ABCB4: variants seen among roughly 807,000 people sequenced by gnomAD.
The protein encoded by ABCB4 is ATP binding cassette subfamily B member 4, also known as phosphatidylcholine translocator ABCB4.
Under a neutral mutation model 145.7 loss-of-function variants are expected in ABCB4, and 76 were observed. That is an observed-to-expected ratio of 0.52 (90% CI 0.43 to 0.63). ABCB4 has a LOEUF of 0.63. ABCB4 is among the 30% of genes least tolerant of loss of function. The probability of loss-of-function intolerance (pLI) is 0.00; values close to 1 mark genes in which losing one functional copy is unlikely to be tolerated. For missense variants in ABCB4, 1,234 were observed against 1,553.1 expected (o/e 0.79, Z 3.45); for synonymous variants, 517 against 566.8 (o/e 0.91, Z 1.25).
rs1243446017 is a variant in ABCB4, at chr7:87,447,095, G to C, written c.944C>G (p.Ala315Gly). ...FLLIYASYALAFWYGSTLVIS... is the reference protein window; with the variant it reads ...FLLIYASYALGFWYGSTLVIS... ...GACTAGAGTGGATCCATACCAGAAGGCCAGTGCATATGATGCATATATTAA... is the reference window on the plus strand; with the variant it reads ...GACTAGAGTGGATCCATACCAGAAGCCCAGTGCATATGATGCATATATTAA... The change falls in exon 9 of 28, where the codon GCC (alanine) becomes GGC (glycine). Residue 315 changes from alanine to glycine, a missense_variant. This residue lies in a region of ABCB4 where 467 missense variants were observed against 632.8 expected (regional missense o/e 0.74). Transcript: ENST00000649586. 1.9e-6 allele frequency: 3 copies of C among 1,613,722 alleles called. No homozygotes were observed. The highest frequency in any genetic ancestry group is 2.5e-6 in the Non-Finnish European group (3 of 1,179,822).
At chr7:87,430,458 T>G (rs1810136814) in intron 15 of ABCB4, among the ~76,000 whole-genome samples, 1 of 152,200 alleles carries the variant, frequency 6.6e-6, no homozygotes, top group South Asian at 2.1e-4. Context: ...TAACATGTCT[T>G]AATAATATGA....
chr7:87,389,401 A>T, the ABCB4 span, among the ~76,000 whole-genome samples: 2 of 152,230 alleles, frequency 1.3e-5, no homozygotes, highest in Non-Finnish European at 2.9e-5. Context: ...AGACTAGATA[A>T]AGAAAATGTG....
chr7:87,381,808 C>A, the ABCB4 span: 1 of 734,212 alleles, frequency 1.4e-6, no homozygotes. Flanking sequence ...AGACTCTATG[C>A]TTTATTATCT....
Position 87,401,971 on chromosome 7 carries a change from A to T in ABCB4, c.*125T>A. The T allele has an allele frequency of 7.4e-7, 1 of 1,352,684 alleles. No homozygotes were observed. The highest frequency in any genetic ancestry group is 1.0e-6 in the Non-Finnish European group (1 of 970,806). 83.8% of individuals were successfully genotyped at this position (1,352,684 alleles called of 1,614,324 possible). On this transcript the variant is annotated 3_prime_UTR_variant, in exon 28 of 28. Coordinates refer to ENST00000649586, the MANE Select transcript of ABCB4 (RefSeq NM_000443.4). ...TAATAAACCCCAAATTGGGTCTTCTAAATTGATCTAGAATGAGACAGACAT... is the reference window on the plus strand; with the variant it reads ...TAATAAACCCCAAATTGGGTCTTCTTAATTGATCTAGAATGAGACAGACAT...
At chr7:87,444,428 T>C (rs1811202564) in intron 10 of ABCB4, among the ~76,000 whole-genome samples, 1 of 152,198 alleles carries the variant, frequency 6.6e-6, no homozygotes, top group Non-Finnish European at 1.5e-5. Flanking sequence ...TTTAAAATCA[T>C]ACCAAACATG....
chr7:87,405,562 A>C (rs1224125789), intron 26 of ABCB4, among the ~76,000 whole-genome samples: 1 of 151,568 alleles, frequency 6.6e-6, no homozygotes, highest in African/African-American at 2.4e-5. Context: ...GAGTAGCTGC[A>C]ACTACAGGTG....
chr7:87,442,627 TAC>T (rs553228600), intron 12 of ABCB4, among the ~76,000 whole-genome samples: 12 of 151,196 alleles, frequency 7.9e-5, no homozygotes, highest in East Asian at 3.9e-4. Flanking sequence ...GTATACATAA[TAC>T]ACACACACAC....
the ABCB4 span, among the ~76,000 whole-genome samples, chr7:87,379,134 C>T: frequency 1.5e-4 from 23 of 152,212 alleles, no homozygotes; most frequent in East Asian, 4.4e-3. Flanking sequence ...GGTTAACTGC[C>T]CCCTGGCTTC....
chr7:87,469,871 T>G (rs1298490468), intron 3 of ABCB4, among the ~76,000 whole-genome samples: 1 of 152,152 alleles, frequency 6.6e-6, no homozygotes, highest in African/African-American at 2.4e-5. Context: ...AAAACTACTT[T>G]AAAGTTAATA....
chr7:87,422,368 T>C, intron 17 of ABCB4, 143 bp from the exon 18 acceptor site: 1 of 713,978 alleles, frequency 1.4e-6, no homozygotes, highest in South Asian at 1.7e-5. Context: ...AAAATATACA[T>C]AACACAAAAT....
intron 16 of ABCB4, among the ~76,000 whole-genome samples, chr7:87,425,690 A>G: frequency 6.6e-6 from 1 of 152,152 alleles, no homozygotes; most frequent in Non-Finnish European, 1.5e-5. Flanking sequence ...CCTGGGCAAC[A>G]TGGTAAAACC....
intron 8 of ABCB4, among the ~76,000 whole-genome samples, chr7:87,447,991 A>G (rs1811458544): frequency 6.6e-6 from 1 of 152,164 alleles, no homozygotes; most frequent in Non-Finnish European, 1.5e-5. Flanking sequence ...TTCAACTTTT[A>G]TCTCTTCCTG....
intron 12 of ABCB4, 40 bp downstream of exon 12, chr7:87,443,279 C>T (rs756631695): frequency 1.2e-6 from 2 of 1,613,142 alleles, no homozygotes; most frequent in African/African-American, 2.7e-5. Flanking sequence ...CAATTTGTAT[C>T]CAGCTTCCCA....
chr7:87,465,195 A>G (rs1043064492), intron 3 of ABCB4, among the ~76,000 whole-genome samples: 1 of 152,148 alleles, frequency 6.6e-6, no homozygotes, highest in Non-Finnish European at 1.5e-5. Context: ...CGCTTTTCCA[A>G]TGGTCTTAGC....
In ABCB4 at chr7:87,447,023, G is replaced by A; in HGVS notation, c.1005+11C>T. 1 of 1,603,284 alleles carries A rather than the reference G, an allele frequency of 6.2e-7. No individual in the cohort carries two copies. The highest frequency in any genetic ancestry group is 8.5e-7 in the Non-Finnish European group (1 of 1,170,426). On this transcript the variant is annotated intron_variant, in intron 9 of 27. Transcript: ENST00000649586. ...TTCATATTCTTCATAAATGTTAGGAGAACTACTTACTGTCATTGCATTTCC... is the reference window on the plus strand; with the variant it reads ...TTCATATTCTTCATAAATGTTAGGAAAACTACTTACTGTCATTGCATTTCC...
the ABCB4 span, chr7:87,369,468 C>A: frequency 1.9e-6 from 3 of 1,610,968 alleles, no homozygotes; most frequent in African/African-American, 2.7e-5. Context: ...TTTGGTCACC[C>A]CGCCAGAGCT....
At chr7:87,430,271 T>C (rs1584722041) in intron 15 of ABCB4, among the ~76,000 whole-genome samples, 1 of 152,170 alleles carries the variant, frequency 6.6e-6, no homozygotes, top group Non-Finnish European at 1.5e-5. Flanking sequence ...ATTAAAATAA[T>C]AGTATGTGGA....
chr7:87,420,906 A>C (rs17149574), intron 18 of ABCB4, among the ~76,000 whole-genome samples: 1 of 152,194 alleles, frequency 6.6e-6, no homozygotes, highest in Non-Finnish European at 1.5e-5. Flanking sequence ...TACTTCCAAT[A>C]AACCAGTTAA....
downstream of ABCB4, chr7:87,398,548 G>A (rs759397256): frequency 6.2e-7 from 1 of 1,613,742 alleles, no homozygotes; most frequent in South Asian, 1.1e-5. Context: ...GTTCAGCCTG[G>A]AAATCCTGTC....
Sources: allele counts gnomAD v4.1 joint callset (sites outside exome capture counted in the v4.1 genomes callset), GRCh38; gene constraint gnomAD v4.1.1; regional missense constraint gnomAD v4.1.1; transcripts MANE v1.5; gene names NCBI Gene and HGNC (gene_info 2026-07-23, HGNC 2026-07-21).